SV2C: variants seen among roughly 807,000 people sequenced by gnomAD.
SV2C encodes synaptic vesicle glycoprotein 2C, also known as solute carrier family 22 member B3.
In SV2C, 49 loss-of-function variants were observed where a neutral mutation model predicts 79.7. The ratio of observed to expected loss-of-function variants is 0.61; its 90% CI spans 0.49 to 0.78. The LOEUF is 0.78. Ranked by LOEUF, SV2C falls within the 30% of genes least tolerant of loss-of-function variation. SV2C has a pLI of 0.00. For missense variants in SV2C, 833 were observed against 912.9 expected (o/e 0.91, Z 1.13); for synonymous variants, 334 against 333.2 (o/e 1.00, Z -0.03).
At chr5:76,319,718 C>T (rs1748763186) in intron 12 of SV2C, among the ~76,000 whole-genome samples, 1 of 152,162 alleles carries the variant, frequency 6.6e-6, no homozygotes. Flanking sequence ...ATCCATTCCT[C>T]GAGTACAGTT....
intron 4 of SV2C, among the ~76,000 whole-genome samples, chr5:76,259,061 T>C (rs1488408447): frequency 6.6e-6 from 1 of 152,248 alleles, no homozygotes; most frequent in Non-Finnish European, 1.5e-5. Context: ...TTGGGGGACA[T>C]TTGGGTTGTT....
intron 4 of SV2C, among the ~76,000 whole-genome samples, chr5:76,246,946 G>A (rs1745963697): frequency 6.6e-6 from 1 of 152,196 alleles, no homozygotes; most frequent in South Asian, 2.1e-4. Flanking sequence ...TGGATGGATG[G>A]TATGGGTGGA....
the SV2C span, among the ~76,000 whole-genome samples, chr5:76,054,163 G>T: frequency 1.3e-5 from 2 of 151,910 alleles, no homozygotes; most frequent in African/African-American, 4.8e-5. Context: ...CCCCTGACAG[G>T]CCCCGGTGTG....
intron 12 of SV2C, among the ~76,000 whole-genome samples, chr5:76,346,822 T>TGGCGCCTCCCTTCCCACC: frequency 6.6e-6 from 1 of 152,196 alleles, no homozygotes; most frequent in Admixed American, 6.5e-5. Flanking sequence ...TGCCTCCCAC[T>TGGCGCCTCCCTTCCCACC]GGCGCCTCCC....
At chr5:75,873,395 T>C in the SV2C span, among the ~76,000 whole-genome samples, 13 of 110,078 alleles carry the variant, frequency 1.2e-4, no homozygotes, top group Non-Finnish European at 1.8e-4. Context: ...TTTTCACTAA[T>C]TAAATTGGCA....
chr5:75,876,302 G>C, the SV2C span, among the ~76,000 whole-genome samples: 1 of 152,078 alleles, frequency 6.6e-6, no homozygotes, highest in Non-Finnish European at 1.5e-5. Context: ...ATTATCCTTA[G>C]CAAACTAATG....
the SV2C span, among the ~76,000 whole-genome samples, chr5:76,013,659 GA>G: frequency 1.3e-5 from 2 of 152,068 alleles, no homozygotes; most frequent in African/African-American, 2.4e-5. Context: ...TAAACATAGT[GA>G]AAAGGAGAGA....
chr5:75,903,397 T>C, the SV2C span, among the ~76,000 whole-genome samples: 1 of 151,836 alleles, frequency 6.6e-6, no homozygotes, highest in African/African-American at 2.4e-5. Flanking sequence ...AAGAAATTTA[T>C]ATCATTTTCT....
At chr5:76,043,464 T>G in the SV2C span, among the ~76,000 whole-genome samples, 93 of 152,290 alleles carry the variant, frequency 6.1e-4, no homozygotes, top group South Asian at 4.6e-3. Flanking sequence ...CAGATTCAAG[T>G]TTAGGCTGCA....
chr5:75,921,726 G>T, the SV2C span: 1 of 437,960 alleles, frequency 2.3e-6, no homozygotes, highest in Non-Finnish European at 4.3e-6. Context: ...TAAAATATTT[G>T]AGGCTCTCTA....
chr5:76,195,779 T>G (rs1353885587), intron 3 of SV2C, among the ~76,000 whole-genome samples: 1 of 152,160 alleles, frequency 6.6e-6, no homozygotes. Context: ...AAAAACATAG[T>G]AAAAATATAA....
At chr5:76,184,259 T>C (rs1029086856) in intron 2 of SV2C, among the ~76,000 whole-genome samples, 1 of 152,212 alleles carries the variant, frequency 6.6e-6, no homozygotes, top group African/African-American at 2.4e-5. Context: ...CACTAGGCTG[T>C]GATCTCCTGG....
chr5:76,197,712 A>AGATAGATAGATAGATAGAT (rs1358372029), intron 3 of SV2C, among the ~76,000 whole-genome samples: 1 of 151,748 alleles, frequency 6.6e-6, no homozygotes, highest in South Asian at 2.1e-4. Context: ...ACAGGCAGAT[A>AGATAGATAGATAGATAGAT]GATAGATAGA....
chr5:76,120,325 G>GT (rs1332374763), intron 1 of SV2C, among the ~76,000 whole-genome samples: 1 of 146,094 alleles, frequency 6.8e-6, no homozygotes, highest in East Asian at 2.0e-4. Flanking sequence ...TTTTTGTTTT[G>GT]TTTTTTGTTT....
rs534270143 is a variant in SV2C at position 76,169,973 on chromosome 5, T to TA, written c.581-24940dup. On this transcript the variant is annotated intron_variant, in intron 2 of 12. Transcript: ENST00000502798. ...TCAAACTATACAAGAAAGATATTGGTAAAAAATAATAAATAAATAAATAAA... is the reference window on the plus strand; with the variant it reads ...TCAAACTATACAAGAAAGATATTGGTAAAAAAATAATAAATAAATAAATAAA... Among the ~76,000 whole-genome samples, 392 of 144,176 alleles carry TA rather than the reference T, an allele frequency of 2.7e-3. 1 individual carries two copies. The highest frequency in any genetic ancestry group is 4.6e-3 in the Non-Finnish European group (303 of 65,422). 94.6% of individuals were successfully genotyped at this position (144,176 alleles called of 152,430 possible). A position where few individuals can be genotyped will look rare whatever the true frequency, so the allele number is the denominator to read the frequency against.
chr5:75,857,253 G>A, the SV2C span, among the ~76,000 whole-genome samples: 13 of 152,088 alleles, frequency 8.5e-5, no homozygotes, highest in African/African-American at 2.6e-4. Context: ...CACCGCGCCC[G>A]GCCGTCTTTA....
intron 4 of SV2C, chr5:76,281,307 C>T (rs546085441): frequency 4.4e-5 from 20 of 459,630 alleles, no homozygotes; most frequent in South Asian, 2.8e-4. Context: ...CTTAATGGAA[C>T]GATTCTAGGA....
chr5:76,312,018 G>T (rs982421254), intron 12 of SV2C, among the ~76,000 whole-genome samples: 3 of 152,164 alleles, frequency 2.0e-5, no homozygotes, highest in Admixed American at 2.0e-4. Flanking sequence ...GGTTGAAATG[G>T]ATTTTTTCCA....
intron 12 of SV2C, among the ~76,000 whole-genome samples, chr5:76,352,371 A>G (rs1262466979): frequency 6.6e-6 from 1 of 152,230 alleles, no homozygotes; most frequent in Admixed American, 6.5e-5. Context: ...ATAAGCCCCC[A>G]GTTCAACACT....
Sources: gnomAD v4.1 joint callset for allele counts (sites outside exome capture counted in the v4.1 genomes callset) on GRCh38, gnomAD v4.1.1 for gene constraint, MANE v1.5 for transcripts, NCBI Gene and HGNC (gene_info 2026-07-23, HGNC 2026-07-21) for gene names.